The following BEND3 variants were observed in gnomAD, a reference collection of about 807,000 sequenced individuals.
The protein encoded by BEND3 is BEN domain-containing protein 3.
In BEND3, 13 loss-of-function variants were observed where a neutral mutation model predicts 60.1. The observed-to-expected ratio is 0.22, with a 90% CI of 0.14 to 0.34. The LOEUF is 0.34. Ranked by LOEUF, BEND3 falls within the 10% of genes least tolerant of loss-of-function variation. The pLI is 1.00. For synonymous variants in BEND3, 497 were observed against 491.5 expected, an observed-to-expected ratio of 1.01 and a Z score of -0.15; for missense variants, 896 against 1,138.1, an observed-to-expected ratio of 0.79 and a Z score of 3.06.
chr6:107,108,828 T>C (rs368798320), intron 1 of BEND3, among the ~76,000 whole-genome samples: 12 of 152,148 alleles, frequency 7.9e-5, no homozygotes, highest in African/African-American at 2.9e-4. Flanking sequence ...TGATTTGAGA[T>C]GGAGTCTCGC....
intron 3 of BEND3, among the ~76,000 whole-genome samples, chr6:107,081,367 C>T (rs1213225992): frequency 2.0e-5 from 3 of 151,872 alleles, no homozygotes; most frequent in Non-Finnish European, 4.4e-5. Flanking sequence ...ATTACAGACG[C>T]CCACCACTAC....
rs116313755 is a variant in BEND3 at position 107,072,083 on chromosome 6, A to G, written c.241-1133T>C. Among the ~76,000 whole-genome samples the G allele has an allele frequency of 6.6e-3, 1,006 of 152,300 alleles. 14 individuals carry two copies. The highest frequency in any genetic ancestry group is 0.023 in the African/African-American group (968 of 41,570). ...TCGACCCAGATACTTATGTAAATGTATATTTGAGTTTTAGGAAAGCAGATG... is the reference window on the plus strand; with the variant it reads ...TCGACCCAGATACTTATGTAAATGTGTATTTGAGTTTTAGGAAAGCAGATG... On this transcript the variant is annotated intron_variant, in intron 3 of 3. Transcript: ENST00000369042.
At chr6:107,108,996 G>C (rs905728242) in intron 1 of BEND3, among the ~76,000 whole-genome samples, 3 of 152,048 alleles carry the variant, frequency 2.0e-5, no homozygotes, top group African/African-American at 4.8e-5. Context: ...ACTAGAGATG[G>C]GGTTTGGCCA....
chr6:107,089,621 G>A (rs555287283), intron 3 of BEND3, among the ~76,000 whole-genome samples: 27 of 139,906 alleles, frequency 1.9e-4, no homozygotes, highest in East Asian at 1.3e-3. Flanking sequence ...TCGAGACAGA[G>A]TCTCGCTCTG....
chr6:107,089,596 AAGGATT>A (rs1775430862), intron 3 of BEND3, among the ~76,000 whole-genome samples: 14 of 117,970 alleles, frequency 1.2e-4, no homozygotes, highest in South Asian at 5.7e-4. Flanking sequence ...GAAAAAAAAA[AAGGATT>A]TTTTTTTTTC....
Position 107,098,601 on chromosome 6 carries a change from C to G in BEND3, c.190G>C (p.Gly64Arg). ...ACGCCGGGGACAGAGTCTAGCAGGC[C>G]ATCGCTGACCAGCTGCTTTCGTTTG... ...SSKRKQLVSD[G>R]LLDSVPGVKR... Residue 64 changes from glycine (G) to arginine (R), a missense_variant, in exon 3 of 4, where the codon GGC becomes CGC. This residue lies in a region of BEND3 where 846 missense variants were observed against 1,036.7 expected (regional missense o/e 0.82). Transcript: ENST00000369042. 5 of 1,613,782 alleles carry G rather than the reference C, an allele frequency of 3.1e-6. No individual in the cohort carries two copies. The highest frequency in any genetic ancestry group is 4.2e-6 in the Non-Finnish European group (5 of 1,180,034).
intron 3 of BEND3, among the ~76,000 whole-genome samples, chr6:107,096,011 G>A (rs1554235881): frequency 1.3e-5 from 2 of 152,138 alleles, no homozygotes; most frequent in Admixed American, 6.6e-5. Context: ...GCAAGAGTGA[G>A]CCCTAATGTA....
Position 107,070,695 on chromosome 6 carries a change from A to T in BEND3, c.496T>A (p.Ser166Thr), listed in dbSNP as rs782343451. 6.2e-7 allele frequency: 1 copy of T among 1,613,210 alleles called. No homozygotes were observed. The highest frequency in any genetic ancestry group is 2.2e-5 in the East Asian group (1 of 44,876). Residue 166 changes from serine to threonine, a missense_variant, in exon 4 of 4, where the codon TCG (serine) becomes ACG (threonine). Ser to Thr is a moderately conservative substitution (Grantham distance 58, BLOSUM62 1). Transcript: ENST00000369042. The surrounding 1 kb of genome is among the most constrained non-coding windows in gnomAD (Gnocchi z 6.9). ...FEKANASNSP[S>T]SLRLLNEPQK... ...GGCTCATTCAGGAGCCGCAGTGACG[A>T]GGGGCTGTTGCTGGCGTTTGCCTTC...
intron 1 of BEND3, among the ~76,000 whole-genome samples, chr6:107,105,597 T>C (rs1375450750): frequency 3.3e-5 from 5 of 152,090 alleles, no homozygotes; most frequent in Non-Finnish European, 5.9e-5. Context: ...CCAGGTCTTT[T>C]GGGACAGCAG....
intron 3 of BEND3, among the ~76,000 whole-genome samples, chr6:107,078,783 A>G (rs1775158104): frequency 1.3e-5 from 2 of 150,892 alleles, no homozygotes; most frequent in Non-Finnish European, 2.9e-5. Flanking sequence ...CTGACCCCAG[A>G]TTCTCTGCTT....
At position 107,069,119 on chromosome 6, in the gene BEND3, G is replaced by A. The variant is rs781904215; in HGVS notation, c.2072C>T (p.Pro691Leu). Residue 691 changes from proline (P) to leucine (L), a missense_variant, in exon 4 of 4, where the codon CCC (proline) becomes CTC (leucine). This residue lies in a region of BEND3 where 846 missense variants were observed against 1,036.7 expected (regional missense o/e 0.82). Coordinates refer to ENST00000369042, the MANE Select transcript of BEND3 (RefSeq NM_001367314.1). The stretch of plus-strand genomic sequence containing the variant: ...GCAAAAGTCCTTGCTGCTCCTCTCG[G>A]GGGGCAGTGGGGGCCCCTCAAACTC... ...REEFEGPPLP[P>L]ERSSKDFCKI... is the part of the protein sequence containing the mutation. The A allele has an allele frequency of 2.8e-5, 45 of 1,612,802 alleles. No homozygotes were observed. Among genetic ancestry groups the A allele is most frequent in the Non-Finnish European group, 3.8e-5 (45 of 1,180,008 alleles).
chr6:107,068,366 G>A lies in BEND3; in HGVS notation c.*338C>T, dbSNP rs1774875057. The A allele has an allele frequency of 9.1e-6, 2 of 219,952 alleles. No homozygotes were observed. The highest frequency in any genetic ancestry group is 1.7e-4 in the South Asian group (1 of 5,942). 13.6% of individuals were successfully genotyped at this position (219,952 alleles called of 1,614,324 possible). A position where few individuals can be genotyped will look rare whatever the true frequency, so the allele number is the denominator to read the frequency against. On this transcript the variant is annotated 3_prime_UTR_variant, in exon 4 of 4. Coordinates refer to ENST00000369042, the MANE Select transcript of BEND3 (RefSeq NM_001367314.1). This position sits in a 1 kb window ranked among gnomAD's most constrained non-coding sequence, Gnocchi z 5.8. ...TGGGAAGAGGGGCAAGAGAGTTGCT[G>A]GGTTTGCATTATAAGCTGTGAGGGG...
Position 107,070,719 on chromosome 6 carries a change from T to C in BEND3, c.472A>G (p.Lys158Glu), listed in dbSNP as rs1258415754. ...GAGGGGCTGTTGCTGGCGTTTGCCT[T>C]CTCAAAGAGCTCGTACACGTTTAGC... ...DLLNVYELFE[K>E]ANASNSPSSL... The change falls in exon 4 of 4, where the codon AAG (lysine) becomes GAG (glutamate). Residue 158 changes from lysine (K) to glutamate (E), a missense_variant. Lys to Glu is a moderately conservative substitution (Grantham distance 56, BLOSUM62 1). Coordinates refer to ENST00000369042, the MANE Select transcript of BEND3 (RefSeq NM_001367314.1). The surrounding 1 kb of genome is among the most constrained non-coding windows in gnomAD (Gnocchi z 6.9). The C allele has an allele frequency of 6.2e-7, 1 of 1,613,792 alleles. No individual in the cohort carries two copies. The highest frequency in any genetic ancestry group is 1.7e-5 in the Admixed American group (1 of 60,012).
In BEND3 at chr6:107,067,988, G is replaced by A. The variant is rs919339392; in HGVS notation, c.*716C>T. 6 of 152,306 alleles carry A rather than the reference G, an allele frequency of 3.9e-5. No homozygotes were observed. Among genetic ancestry groups the A allele is most frequent in the African/African-American group, 1.4e-4 (6 of 41,556 alleles). The allele number at this position is 152,306 out of a possible 1,614,324, so 9.4% of individuals were successfully genotyped here. ...CATCCAGTGTTCTCGCCTAAAGAGT[G>A]ACACAACATTCTACCAACGCGCCTG... On this transcript the variant is annotated 3_prime_UTR_variant, in exon 4 of 4. Transcript: ENST00000369042.
chr6:107,070,241 G>T lies in BEND3; in HGVS notation c.950C>A (p.Ser317Ter), dbSNP rs1774941058. The stretch of plus-strand genomic sequence containing the variant: ...CTGCCACACAGCCGTGTCCTTCACC[G>T]AGGGGTAGTAGACCTCCACATAGTT... The part of the protein sequence containing the change: ...IRNYVEVYYP[S>*]VKDTAVWQAE... Residue 317 changes from serine to a stop codon, truncating the protein, a stop_gained, in exon 4 of 4, where the codon TCG becomes TAG. Coordinates refer to ENST00000369042, the MANE Select transcript of BEND3 (RefSeq NM_001367314.1). LOFTEE classifies it high-confidence loss of function. This position sits in a 1 kb window ranked among gnomAD's most constrained non-coding sequence, Gnocchi z 6.9. 6.2e-7 allele frequency: 1 copy of T among 1,612,910 alleles called. No homozygotes were observed.
At chr6:107,083,478 A>C (rs1015339777) in intron 3 of BEND3, among the ~76,000 whole-genome samples, 10 of 151,902 alleles carry the variant, frequency 6.6e-5, no homozygotes, top group African/African-American at 2.2e-4. Flanking sequence ...AACAACCCCC[A>C]AAAACAAAAT....
rs375111732 is a variant in BEND3, at chr6:107,107,098, G to A, written c.-11-7802C>T. On this transcript the variant is annotated intron_variant, in intron 1 of 3. Transcript: ENST00000369042. Reference sequence around the variant, plus strand: ...ATTACAGGCATGCACCACCACATCCGGCTAATTTTTGTATTTTTAGTAGAG... The same window carrying A: ...ATTACAGGCATGCACCACCACATCCAGCTAATTTTTGTATTTTTAGTAGAG... Among the ~76,000 whole-genome samples the A allele has an allele frequency of 2.6e-5, 4 of 151,896 alleles. No homozygotes were observed. In the East Asian group the frequency reaches 5.8e-4, roughly 22 times the overall value.
intron 3 of BEND3, among the ~76,000 whole-genome samples, chr6:107,074,919 G>C (rs1775068082): frequency 6.6e-6 from 1 of 152,036 alleles, no homozygotes; most frequent in African/African-American, 2.4e-5. Flanking sequence ...GGCTAACGCA[G>C]TGAAACTCCA....
chr6:107,110,161 C>CT (rs1273445842), intron 1 of BEND3, among the ~76,000 whole-genome samples: 5 of 152,318 alleles, frequency 3.3e-5, no homozygotes, highest in South Asian at 2.1e-4. Context: ...CAGCCAGACT[C>CT]TGTCTTACAA....
Sources: gnomAD v4.1 joint callset for allele counts (sites outside exome capture counted in the v4.1 genomes callset) on GRCh38, gnomAD v4.1.1 for gene constraint, gnomAD v4.1.1 regional missense constraint, Gnocchi (gnomAD v3.1) non-coding constraint, MANE v1.5 for transcripts, NCBI Gene and HGNC (gene_info 2026-07-23, HGNC 2026-07-21) for gene names.